PRDM11: variants seen among roughly 807,000 people sequenced by gnomAD.
PRDM11 encodes the protein PR/SET domain 11.
A neutral mutation model predicts 97.8 loss-of-function variants in PRDM11; 20 were observed. The observed-to-expected ratio is 0.20, with a 90% CI of 0.14 to 0.30. The LOEUF (loss-of-function observed/expected upper bound fraction) is 0.30. Among genes scored for constraint, PRDM11 ranks in the 10% least tolerant of loss-of-function variants. The pLI is 1.00. For synonymous variants in PRDM11, 599 were observed against 637.7 expected, an observed-to-expected ratio of 0.94 and a Z score of 0.91; for missense variants, 1,139 against 1,555.2, an observed-to-expected ratio of 0.73 and a Z score of 4.50.
chr11:45,183,065 G>T lies in PRDM11; in HGVS notation c.428G>T (p.Gly143Val). ...NEVIPKGHIFGPYEGQISTQD... is the reference protein window; with the variant it reads ...NEVIPKGHIFVPYEGQISTQD... ...GTCATCCCCAAGGGCCACATCTTCG[G>T]CCCCTATGAGGGGCAGATCTCCACC... Residue 143 changes from glycine to valine, a missense_variant, in exon 4 of 8, where the codon GGC becomes GTC. Gly to Val is a moderately radical substitution (Grantham distance 109). Around this residue, in one of 2 missense-constraint regions of PRDM11, gnomAD observed 429 missense variants for 510.3 expected, o/e 0.84. Coordinates refer to ENST00000683152, the MANE Select transcript of PRDM11 (RefSeq NM_001384648.1). The T allele has an allele frequency of 6.2e-7, 1 of 1,613,934 alleles. No individual in the cohort carries two copies. The highest frequency in any genetic ancestry group is 8.5e-7 in the Non-Finnish European group (1 of 1,179,982).
rs752562736 is a variant in PRDM11, at chr11:45,227,028, C to T, written c.2403C>T (p.Leu801=). Residue 801 remains leucine (L), a synonymous_variant, in exon 8 of 8, where the codon CTC becomes CTT. Transcript: ENST00000683152. This position sits in a 1 kb window ranked among gnomAD's most constrained non-coding sequence, Gnocchi z 8.0. ...GCTTCTACCGCTACTCACCGCGCCTCATGTGCGAGCTGCGGTCCACGGCGG... is the reference window on the plus strand; with the variant it reads ...GCTTCTACCGCTACTCACCGCGCCTTATGTGCGAGCTGCGGTCCACGGCGG... ...LLSFYRYSPR[L]MCELRSTAAT... 1.7e-5 allele frequency: 26 copies of T among 1,533,972 alleles called. No individual in the cohort carries two copies. In the South Asian group the frequency reaches 2.6e-4, roughly 15 times the overall value.
chr11:45,157,213 A>C (rs893082061), intron 1 of PRDM11, among the ~76,000 whole-genome samples: 1 of 152,134 alleles, frequency 6.6e-6, no homozygotes, highest in African/African-American at 2.4e-5. Context: ...CATTTCATGA[A>C]GGACAATTTT....
Position 45,224,342 on chromosome 11 carries a change from G to A in PRDM11, c.868G>A (p.Gly290Arg). 1 of 1,614,126 alleles carries A rather than the reference G, an allele frequency of 6.2e-7. No homozygotes were observed. The highest frequency in any genetic ancestry group is 8.5e-7 in the Non-Finnish European group (1 of 1,180,030). The part of the protein sequence containing the change: ...KSPYKRGFDE[G>R]DVHPQAKKKK... ...TCCCTACAAGCGTGGCTTTGATGAG[G>A]GGGATGTACACCCCCAAGCTAAGAA... The change falls in exon 7 of 8, where the codon GGG (glycine) becomes AGG (arginine). Residue 290 changes from glycine (G) to arginine (R), a missense_variant. Physicochemically the swap from Gly to Arg is moderately radical, Grantham distance 125 (BLOSUM62 -2). Transcript: ENST00000683152.
At chr11:45,163,171 G>A (rs955077581) in intron 1 of PRDM11, among the ~76,000 whole-genome samples, 6 of 152,194 alleles carry the variant, frequency 3.9e-5, no homozygotes, top group African/African-American at 1.4e-4. Context: ...TGTCACCTGT[G>A]GCTGGTCTTG....
intron 1 of PRDM11, among the ~76,000 whole-genome samples, chr11:45,120,828 T>C (rs1852413507): frequency 6.6e-6 from 1 of 152,138 alleles, no homozygotes; most frequent in Admixed American, 6.5e-5. Flanking sequence ...TGACAATGTA[T>C]CTTCAGCTCA....
intron 1 of PRDM11, among the ~76,000 whole-genome samples, chr11:45,123,410 T>A (rs201836796): frequency 1.3e-5 from 2 of 151,804 alleles, no homozygotes; most frequent in African/African-American, 4.8e-5. Flanking sequence ...AGACATGAAG[T>A]CCTTGCCCAT....
intron 1 of PRDM11, among the ~76,000 whole-genome samples, chr11:45,110,020 C>T (rs1852139769): frequency 6.6e-6 from 1 of 152,176 alleles, no homozygotes; most frequent in Admixed American, 6.5e-5. Context: ...TGGTTATCAG[C>T]CCTCTATATG....
At chr11:45,114,643 C>G (rs1351149419) in intron 1 of PRDM11, among the ~76,000 whole-genome samples, 1 of 151,786 alleles carries the variant, frequency 6.6e-6, no homozygotes, top group African/African-American at 2.4e-5. Flanking sequence ...GTCTAAAGAT[C>G]AAAGAGAGAG....
At chr11:45,177,852 A>G (rs756244586) in intron 1 of PRDM11, among the ~76,000 whole-genome samples, 18 of 152,118 alleles carry the variant, frequency 1.2e-4, no homozygotes, top group Non-Finnish European at 2.1e-4. Flanking sequence ...GGCATAACCA[A>G]CACCCCTCTT....
At chr11:45,144,385 T>G (rs1177056076), upstream of PRDM11, among the ~76,000 whole-genome samples, 1 of 152,146 alleles carries the variant, frequency 6.6e-6, no homozygotes, top group Admixed American at 6.6e-5. Flanking sequence ...CTGCAATGCC[T>G]GAGGACCCAG....
At chr11:45,112,121 C>G (rs1852195632) in intron 1 of PRDM11, among the ~76,000 whole-genome samples, 1 of 152,170 alleles carries the variant, frequency 6.6e-6, no homozygotes, top group South Asian at 2.1e-4. Flanking sequence ...CACAAGTCCC[C>G]AAAGTCCCTT....
intron 1 of PRDM11, among the ~76,000 whole-genome samples, chr11:45,117,484 T>A (rs1852329516): frequency 6.6e-6 from 1 of 152,204 alleles, no homozygotes; most frequent in South Asian, 2.1e-4. Context: ...GTGGTGCTAA[T>A]GCCTGTCATC....
At chr11:45,095,664 G>A, upstream of PRDM11, 1 of 611,434 alleles carries the variant, frequency 1.6e-6, no homozygotes, top group Non-Finnish European at 2.9e-6. Flanking sequence ...CAATAGAACT[G>A]CAACCCCTGG....
intron 1 of PRDM11, among the ~76,000 whole-genome samples, chr11:45,103,484 G>T (rs1013212690): frequency 6.6e-6 from 1 of 152,052 alleles, no homozygotes; most frequent in Non-Finnish European, 1.5e-5. Context: ...GCAGCTTTGT[G>T]ACTTTGAGCA....
intron 1 of PRDM11, among the ~76,000 whole-genome samples, chr11:45,148,727 A>G (rs537206828): frequency 4.3e-4 from 65 of 152,274 alleles, no homozygotes; most frequent in African/African-American, 1.5e-3. Flanking sequence ...CTTGGTGTCA[A>G]GTAGGATTTC....
At chr11:45,099,761 ATTAC>A (rs1464800567) in intron 1 of PRDM11, among the ~76,000 whole-genome samples, 2 of 152,190 alleles carry the variant, frequency 1.3e-5, no homozygotes, top group Non-Finnish European at 2.9e-5. Flanking sequence ...CAATTAAGTT[ATTAC>A]TTACTGTAGT....
At chr11:45,153,389 T>G (rs1259947130) in intron 1 of PRDM11, among the ~76,000 whole-genome samples, 1 of 152,086 alleles carries the variant, frequency 6.6e-6, no homozygotes, top group Non-Finnish European at 1.5e-5. Flanking sequence ...CCTCTTGGAG[T>G]TACCCATTTT....
At chr11:45,173,038 TTGG>T (rs1238891998) in intron 1 of PRDM11, among the ~76,000 whole-genome samples, 7 of 152,154 alleles carry the variant, frequency 4.6e-5, no homozygotes, top group Non-Finnish European at 1.0e-4. Flanking sequence ...TCCCTTTGAT[TTGG>T]TCAAAATAAG....
chr11:45,210,379 T>A (rs1052422616), intron 5 of PRDM11, among the ~76,000 whole-genome samples: 85 of 152,216 alleles, frequency 5.6e-4, no homozygotes, highest in African/African-American at 1.9e-3. Flanking sequence ...CCCTTGGGGC[T>A]GGAGTTCTAG....
Sources: gnomAD v4.1 joint callset for allele counts (sites outside exome capture counted in the v4.1 genomes callset) on GRCh38, gnomAD v4.1.1 for gene constraint, gnomAD v4.1.1 regional missense constraint, Gnocchi (gnomAD v3.1) non-coding constraint, MANE v1.5 for transcripts, NCBI Gene and HGNC (gene_info 2026-07-23, HGNC 2026-07-21) for gene names.